The following DSCAML1 variants were observed in gnomAD, a reference collection of about 807,000 sequenced individuals.
The protein encoded by DSCAML1 is cell adhesion molecule DSCAML1.
Under a neutral mutation model 200.5 loss-of-function variants are expected in DSCAML1, and 38 were observed. The ratio of observed to expected loss-of-function variants is 0.19; its 90% confidence interval spans 0.15 to 0.25. DSCAML1 has a LOEUF of 0.25. DSCAML1 is among the 10% of genes least tolerant of loss of function. The probability of loss-of-function intolerance (pLI) is 1.00; values close to 1 mark genes in which losing one functional copy is unlikely to be tolerated. For missense variants in DSCAML1, 2,223 were observed against 2,858.8 expected, an observed-to-expected ratio of 0.78 and a Z score of 5.07; for synonymous variants, 1,215 against 1,165.0, an observed-to-expected ratio of 1.04 and a Z score of -0.87.
In DSCAML1 at chr11:117,558,503, C is replaced by T. The variant is rs111771764; in HGVS notation, c.512-25981G>A. Reference sequence around the variant, plus strand: ...GATAATGGCTGGGCACGGTGGCTCACGCCTGTAATTCCAACACTTTGGGAA... The same window carrying T: ...GATAATGGCTGGGCACGGTGGCTCATGCCTGTAATTCCAACACTTTGGGAA... On this transcript the variant is annotated intron_variant, in intron 3 of 32. Coordinates refer to ENST00000651296, the MANE Select transcript of DSCAML1 (RefSeq NM_020693.4). Among the ~76,000 whole-genome samples, 468 of 152,232 alleles carry T rather than the reference C, an allele frequency of 3.1e-3. 3 individuals carry two copies. Among genetic ancestry groups the T allele is most frequent in the African/African-American group, 0.01 (436 of 41,546 alleles).
chr11:117,778,846 G>A (rs2055180171), intron 2 of DSCAML1, among the ~76,000 whole-genome samples: 1 of 152,230 alleles, frequency 6.6e-6, no homozygotes, highest in African/African-American at 2.4e-5. Context: ...TGCTGCATTA[G>A]GGGTTGAGCC....
At chr11:117,631,326 C>G (rs71480346) in intron 3 of DSCAML1, among the ~76,000 whole-genome samples, 1 of 152,170 alleles carries the variant, frequency 6.6e-6, no homozygotes, top group Non-Finnish European at 1.5e-5. Context: ...GACACAGGGC[C>G]TGTTGGACCC....
At chr11:117,689,886 C>T (rs1334575156) in intron 3 of DSCAML1, among the ~76,000 whole-genome samples, 4 of 152,058 alleles carry the variant, frequency 2.6e-5, no homozygotes, top group Non-Finnish European at 5.9e-5. Flanking sequence ...AACTCTTTGC[C>T]AAGGCCAATA....
intron 3 of DSCAML1, among the ~76,000 whole-genome samples, chr11:117,740,526 G>T (rs2054402519): frequency 1.3e-5 from 2 of 152,072 alleles, no homozygotes; most frequent in Non-Finnish European, 2.9e-5. Context: ...CATCTTTAGG[G>T]CTTACAAGAC....
intron 3 of DSCAML1, among the ~76,000 whole-genome samples, chr11:117,566,541 A>T (rs2137427352): frequency 9.3e-6 from 1 of 107,674 alleles, no homozygotes; most frequent in South Asian, 2.6e-4. Flanking sequence ...TAGTGATGTG[A>T]TTTTTGCCTT....
chr11:117,649,333 C>T (rs762481898), intron 3 of DSCAML1, among the ~76,000 whole-genome samples: 1 of 152,254 alleles, frequency 6.6e-6, no homozygotes, highest in South Asian at 2.1e-4. Flanking sequence ...CCGCCTTGGC[C>T]TCCCAAAGTG....
chr11:117,437,064 T>A lies in DSCAML1; in HGVS notation c.4720+58A>T. On this transcript the variant is annotated intron_variant, in intron 26 of 32. Coordinates refer to ENST00000651296, the MANE Select transcript of DSCAML1 (RefSeq NM_020693.4). The surrounding 1 kb of genome is among the most constrained non-coding windows in gnomAD (Gnocchi z 5.3). ...TTTATGTATCTGCCACTCTGCCCAC[T>A]TCCTTCGCACCACCCTGCTCCAGCC... The A allele has an allele frequency of 6.4e-7, 1 of 1,557,620 alleles. No individual in the cohort carries two copies. Among genetic ancestry groups the A allele is most frequent in the Non-Finnish European group, 8.7e-7 (1 of 1,150,486 alleles).
At chr11:117,758,932 C>T (rs946042798) in intron 3 of DSCAML1, among the ~76,000 whole-genome samples, 14 of 152,250 alleles carry the variant, frequency 9.2e-5, no homozygotes, top group African/African-American at 3.4e-4. Flanking sequence ...CTTGATATAT[C>T]GCTTTTCAGG....
chr11:117,430,854 C>T lies in DSCAML1; in HGVS notation c.5554G>A (p.Ala1852Thr), dbSNP rs199629791. 308 of 1,614,128 alleles carry T rather than the reference C, an allele frequency of 1.9e-4. No homozygotes were observed. The highest frequency in any genetic ancestry group is 4.0e-5 in the African/African-American group (3 of 75,026). Residue 1852 changes from alanine (A) to threonine (T), a missense_variant, in exon 32 of 33, where the codon GCC (alanine) becomes ACC (threonine). Physicochemically the swap from Ala to Thr is moderately conservative, Grantham distance 58. Transcript: ENST00000651296. ...DQMTTGTNEN[A>T]DSMTSMSTPS... ...GTGCTCATGGATGTCATGCTGTCGG[C>T]GTTCTCGTTGGTGCCTGTGGTCATC...
chr11:117,454,041 A>G (rs2048331748), intron 19 of DSCAML1, among the ~76,000 whole-genome samples: 1 of 152,160 alleles, frequency 6.6e-6, no homozygotes, highest in Non-Finnish European at 1.5e-5. Flanking sequence ...TAGAGTTTGT[A>G]GAGCTTCTTG....
At chr11:117,640,606 T>C (rs568620466) in intron 3 of DSCAML1, among the ~76,000 whole-genome samples, 1 of 152,134 alleles carries the variant, frequency 6.6e-6, no homozygotes, top group African/African-American at 2.4e-5. Context: ...GAAAATCCCA[T>C]TGATTCTTTC....
intron 6 of DSCAML1, among the ~76,000 whole-genome samples, chr11:117,519,011 T>C (rs1408125343): frequency 6.6e-6 from 1 of 152,244 alleles, no homozygotes; most frequent in African/African-American, 2.4e-5. Context: ...TCAAGTTGCT[T>C]AACCTCTCTG....
intron 3 of DSCAML1, among the ~76,000 whole-genome samples, chr11:117,672,611 C>G (rs1408435289): frequency 6.6e-6 from 1 of 152,182 alleles, no homozygotes; most frequent in Non-Finnish European, 1.5e-5. Context: ...GCATCCAGGG[C>G]GAGCCTATGA....
chr11:117,517,221 G>GTCT (rs1343765851), intron 7 of DSCAML1, among the ~76,000 whole-genome samples: 1 of 152,202 alleles, frequency 6.6e-6, no homozygotes, highest in Non-Finnish European at 1.5e-5. Flanking sequence ...CAACAGGAAG[G>GTCT]TCTTCGCCAG....
At chr11:117,747,474 C>T (rs367609075) in intron 3 of DSCAML1, among the ~76,000 whole-genome samples, 8 of 152,282 alleles carry the variant, frequency 5.3e-5, no homozygotes, top group South Asian at 4.1e-4. Context: ...TCCTCAATCA[C>T]GCACCACCAG....
At chr11:117,612,756 G>A (rs1271255597) in intron 3 of DSCAML1, among the ~76,000 whole-genome samples, 3 of 152,220 alleles carry the variant, frequency 2.0e-5, no homozygotes, top group Non-Finnish European at 4.4e-5. Context: ...CATCGTCAAG[G>A]GGTGAGCATC....
Position 117,437,011 on chromosome 11 carries a change from C to G in DSCAML1, c.4720+111G>C. ...GGCCAGCATTTCCCCCACCTGCATT[C>G]CTGCCTGTTTTTCTATTAGTCTGTC... is the stretch of plus-strand genomic sequence containing the variant. On this transcript the variant is annotated intron_variant, in intron 26 of 32. Transcript: ENST00000651296. This position sits in a 1 kb window ranked among gnomAD's most constrained non-coding sequence, Gnocchi z 5.3. 7.0e-7 allele frequency: 1 copy of G among 1,419,908 alleles called. No individual in the cohort carries two copies. The allele number at this position is 1,419,908 out of a possible 1,614,324, so 88.0% of individuals were successfully genotyped here. A position where few individuals can be genotyped will look rare whatever the true frequency, so the allele number is the denominator to read the frequency against.
At chr11:117,781,383 G>A (rs987273282) in intron 1 of DSCAML1, among the ~76,000 whole-genome samples, 3 of 152,122 alleles carry the variant, frequency 2.0e-5, no homozygotes, top group East Asian at 3.9e-4. Flanking sequence ...CACAGCTAAG[G>A]TACAGAACTA....
chr11:117,701,851 G>GC, intron 3 of DSCAML1, among the ~76,000 whole-genome samples: 1 of 152,102 alleles, frequency 6.6e-6, no homozygotes, highest in Non-Finnish European at 1.5e-5. Flanking sequence ...TCATCCCCGC[G>GC]CTCAGCCTCA....
Sources: allele counts gnomAD v4.1 joint callset (sites outside exome capture counted in the v4.1 genomes callset), GRCh38; gene constraint gnomAD v4.1.1; non-coding constraint Gnocchi (gnomAD v3.1); transcripts MANE v1.5; gene names NCBI Gene and HGNC (gene_info 2026-07-23, HGNC 2026-07-21).